Variants in C10orf88 observed in about 807,000 individuals in gnomAD.
The protein encoded by C10orf88 is ATPase PAAT.
C10orf88 carries 29 observed loss-of-function variants against 34.2 expected under a neutral mutation model. The ratio of observed to expected loss-of-function variants is 0.85; its 90% confidence interval spans 0.63 to 1.16. The LOEUF (loss-of-function observed/expected upper bound fraction) is 1.16, where lower values mean the gene tolerates loss of function less well. Ranked by LOEUF, C10orf88 falls within the 50% of genes most tolerant of loss-of-function variation. The pLI, the probability that C10orf88 is intolerant of heterozygous loss-of-function variation, is 0.00. For synonymous variants in C10orf88, 194 were observed against 197.4 expected, an observed-to-expected ratio of 0.98 and a Z score of 0.15; for missense variants, 507 against 533.2, an observed-to-expected ratio of 0.95 and a Z score of 0.48.
Position 122,954,123 on chromosome 10 carries a change from G to C in C10orf88, c.56C>G (p.Ser19Cys). Reference protein sequence around the residue: ...GLTRRPTLASSWDVAGGALTH... With the variant: ...GLTRRPTLASCWDVAGGALTH... ...CAGGGCCCCGCCTGCAACATCCCAA[G>C]AAGAGGCCAGCGTGGGGCGGCGGGT... The change falls in exon 1 of 6, where the codon TCT (serine) becomes TGT (cysteine). Residue 19 changes from serine to cysteine, a missense_variant. Physicochemically the swap from Ser to Cys is moderately radical, Grantham distance 112. Transcript: ENST00000481909. The C allele has an allele frequency of 6.3e-7, 1 of 1,590,050 alleles. No individual in the cohort carries two copies.
In C10orf88 at chr10:122,948,881, A is replaced by C. The variant is rs779298238; in HGVS notation, c.442-26T>G. On this transcript the variant is annotated intron_variant, in intron 3 of 5. Coordinates refer to ENST00000481909, the MANE Select transcript of C10orf88 (RefSeq NM_024942.4). ...CTATTATAAAACAAAAGTTCCAGAA[A>C]AGAATGATATTAAAAACAATAATCA... 4 of 1,582,072 alleles carry C rather than the reference A, an allele frequency of 2.5e-6. No homozygotes were observed. In the South Asian group the frequency reaches 4.4e-5, roughly 18 times the overall value.
Position 122,937,900 on chromosome 10 carries a change from A to G in C10orf88, c.908T>C (p.Phe303Ser), listed in dbSNP as rs1358539738. 1 of 1,613,362 alleles carries G rather than the reference A, an allele frequency of 6.2e-7. No homozygotes were observed. Residue 303 changes from phenylalanine (F) to serine (S), a missense_variant, in exon 5 of 6, where the codon TTT (phenylalanine) becomes TCT (serine). Physicochemically the swap from Phe to Ser is radical, Grantham distance 155. Coordinates refer to ENST00000481909, the MANE Select transcript of C10orf88 (RefSeq NM_024942.4). ...ECKVMPQNHS[F>S]LENDLKNAMA... ...TGCATTTTTAAGATCATTTTCAAGA[A>G]AGGAATGGTTTTGAGGCATAACTTT... is the stretch of plus-strand genomic sequence containing the variant.
intron 5 of C10orf88, among the ~76,000 whole-genome samples, chr10:122,935,717 A>T (rs1848528743): frequency 1.3e-5 from 2 of 151,878 alleles, no homozygotes; most frequent in South Asian, 4.1e-4. Flanking sequence ...CTAGGAGAGA[A>T]TTGACGTTTT....
At chr10:122,932,714 C>T in intron 5 of C10orf88, 53 bp from the exon 6 acceptor site, 2 of 1,263,818 alleles carry the variant, frequency 1.6e-6, no homozygotes, top group Non-Finnish European at 2.2e-6. Context: ...CAAAAACAAC[C>T]AAGCTTATAA....
At chr10:122,952,659 C>T (rs1229669385) in intron 2 of C10orf88, among the ~76,000 whole-genome samples, 170 bp downstream of exon 2, 1 of 152,268 alleles carries the variant, frequency 6.6e-6, no homozygotes, top group Non-Finnish European at 1.5e-5. Context: ...CTGATCTACA[C>T]TGTCTTTTAA....
rs1354802323 is a variant in C10orf88 at position 122,948,783 on chromosome 10, T to C, written c.514A>G (p.Asn172Asp). The C allele has an allele frequency of 6.2e-7, 1 of 1,613,778 alleles. No homozygotes were observed. The highest frequency in any genetic ancestry group is 8.5e-7 in the Non-Finnish European group (1 of 1,179,896). Residue 172 changes from asparagine (N) to aspartate (D), a missense_variant, in exon 4 of 6, where the codon AAT becomes GAT. By Grantham distance (23) the Asn-to-Asp change is conservative. Coordinates refer to ENST00000481909, the MANE Select transcript of C10orf88 (RefSeq NM_024942.4). Reference sequence around the variant, plus strand: ...AGAGCAGGAGAGCTTGTTGAAGAATTTGCAAAAACTGATCTCATGTGTACC... The same window carrying C: ...AGAGCAGGAGAGCTTGTTGAAGAATCTGCAAAAACTGATCTCATGTGTACC... ...VVVHMRSVFA[N>D]SSTSSPALGS...
chr10:122,943,681 A>G (rs1304838852), intron 4 of C10orf88, among the ~76,000 whole-genome samples: 1 of 152,192 alleles, frequency 6.6e-6, no homozygotes, highest in Admixed American at 6.5e-5. Context: ...TTTACAAGAA[A>G]AAAACAAACA....
At position 122,932,038 on chromosome 10, in the gene C10orf88, C is replaced by G. The variant is rs1287652583; in HGVS notation, c.*389G>C. 2 of 155,166 alleles carry G rather than the reference C, an allele frequency of 1.3e-5. No individual in the cohort carries two copies. Among genetic ancestry groups the G allele is most frequent in the African/African-American group, 4.8e-5 (2 of 41,552 alleles). The allele number at this position is 155,166 out of a possible 1,614,324, so 9.6% of individuals were successfully genotyped here. A position where few individuals can be genotyped will look rare whatever the true frequency, so the allele number is the denominator to read the frequency against. On this transcript the variant is annotated 3_prime_UTR_variant, in exon 6 of 6. Coordinates refer to ENST00000481909, the MANE Select transcript of C10orf88 (RefSeq NM_024942.4). The stretch of plus-strand genomic sequence containing the variant: ...AAGATAATTAGAAAAAGAAAAAAAT[C>G]AAATACTCTTAAGCATTATTTTTCA...
chr10:122,935,141 C>T (rs1470372621), intron 5 of C10orf88, among the ~76,000 whole-genome samples: 1 of 152,002 alleles, frequency 6.6e-6, no homozygotes, highest in Non-Finnish European at 1.5e-5. Context: ...CAGTGTCTTT[C>T]ATAAACAAAA....
At chr10:122,953,522 C>A (rs1194875313) in intron 1 of C10orf88, among the ~76,000 whole-genome samples, 11 of 152,200 alleles carry the variant, frequency 7.2e-5, no homozygotes, top group Non-Finnish European at 1.2e-4. Flanking sequence ...TTTCCTCAAT[C>A]AACATTCTAC....
At chr10:122,937,450 GAACT>G (rs1246813947) in intron 5 of C10orf88, among the ~76,000 whole-genome samples, 1 of 151,906 alleles carries the variant, frequency 6.6e-6, no homozygotes, top group Non-Finnish European at 1.5e-5. Flanking sequence ...TTCCAACTGT[GAACT>G]AATACTTGTG....
intron 1 of C10orf88, 89 bp downstream of exon 1, chr10:122,953,926 G>C (rs1254976803): frequency 4.7e-6 from 6 of 1,288,056 alleles, no homozygotes; most frequent in Non-Finnish European, 4.0e-6. Context: ...CGGATCCCGG[G>C]CTCAGACCCT....
At chr10:122,944,635 T>G (rs1035851198) in intron 4 of C10orf88, among the ~76,000 whole-genome samples, 2 of 152,072 alleles carry the variant, frequency 1.3e-5, no homozygotes, top group African/African-American at 2.4e-5. Flanking sequence ...ATTGAGTAGA[T>G]AGTGAGGGCC....
At chr10:122,939,768 C>T (rs2133330606) in intron 4 of C10orf88, among the ~76,000 whole-genome samples, 1 of 151,952 alleles carries the variant, frequency 6.6e-6, no homozygotes, top group Non-Finnish European at 1.5e-5. Flanking sequence ...TGGAAAACTA[C>T]ATTAAGAGTA....
intron 3 of C10orf88, among the ~76,000 whole-genome samples, 189 bp downstream of exon 3, chr10:122,951,765 C>T (rs1344982686): frequency 6.6e-6 from 1 of 151,678 alleles, no homozygotes; most frequent in African/African-American, 2.4e-5. Context: ...TGGGAGATGA[C>T]GTTGCAGTGA....
chr10:122,946,360 T>C (rs1050931199), intron 4 of C10orf88, among the ~76,000 whole-genome samples: 9 of 152,260 alleles, frequency 5.9e-5, no homozygotes, highest in Non-Finnish European at 8.8e-5. Flanking sequence ...ACCTCTTCTA[T>C]GTTTAGATAC....
chr10:122,938,223 T>C, intron 4 of C10orf88, 64 bp from the exon 5 acceptor site: 1 of 1,321,612 alleles, frequency 7.6e-7, no homozygotes, highest in Non-Finnish European at 1.0e-6. Context: ...TTGGAGTAAT[T>C]ACTATGAGTC....
At chr10:122,948,163 T>C (rs1332126965) in intron 4 of C10orf88, among the ~76,000 whole-genome samples, 1 of 152,226 alleles carries the variant, frequency 6.6e-6, no homozygotes, top group Non-Finnish European at 1.5e-5. Flanking sequence ...TTCCCAGCTA[T>C]ATCAAATTCT....
At chr10:122,940,427 A>C (rs1241689102) in intron 4 of C10orf88, among the ~76,000 whole-genome samples, 2 of 151,984 alleles carry the variant, frequency 1.3e-5, no homozygotes, top group African/African-American at 4.8e-5. Flanking sequence ...ATGAATTGCT[A>C]TTCAATAGGT....
Sources: allele counts gnomAD v4.1 joint callset (sites outside exome capture counted in the v4.1 genomes callset), GRCh38; gene constraint gnomAD v4.1.1; transcripts MANE v1.5; gene names NCBI Gene and HGNC (gene_info 2026-07-23, HGNC 2026-07-21).